CACNA1A: variants seen among roughly 807,000 people sequenced by gnomAD.
CACNA1A encodes calcium voltage-gated channel subunit alpha1 A.
In CACNA1A, 57 loss-of-function variants were observed where a neutral mutation model predicts 262.4. The ratio of observed to expected loss-of-function variants is 0.22; its 90% CI spans 0.18 to 0.27. CACNA1A has a LOEUF of 0.27. Among genes scored for constraint, CACNA1A ranks in the 10% least tolerant of loss-of-function variants. The probability of loss-of-function intolerance (pLI) is 1.00; values close to 1 mark genes in which losing one functional copy is unlikely to be tolerated. For missense variants in CACNA1A, 2,526 were observed against 3,562.8 expected, an observed-to-expected ratio of 0.71 and a Z score of 7.41; for synonymous variants, 1,431 against 1,419.3, an observed-to-expected ratio of 1.01 and a Z score of -0.18.
intron 2 of CACNA1A, 50 bp downstream of exon 2, chr19:13,455,057 A>C (rs200238304): frequency 1.5e-5 from 17 of 1,148,320 alleles, no homozygotes; most frequent in Non-Finnish European, 1.4e-5. Flanking sequence ...CCCAAAAATT[A>C]ATGTCCTGCT....
chr19:13,349,007 CAAA>C (rs60884577), intron 6 of CACNA1A, among the ~76,000 whole-genome samples: 1 of 59,678 alleles, frequency 1.7e-5, no homozygotes, highest in Non-Finnish European at 3.1e-5. Flanking sequence ...GACGCTGTCT[CAAA>C]AAAAAAAAAA....
intron 36 of CACNA1A, chr19:13,228,974 G>T (rs535855467): frequency 5.3e-4 from 203 of 383,436 alleles, no homozygotes; most frequent in African/African-American, 3.8e-3. Context: ...AGGGGTGTAG[G>T]ATGTCAGTCG....
intron 3 of CACNA1A, among the ~76,000 whole-genome samples, chr19:13,405,307 C>T (rs770086785): frequency 6.6e-6 from 1 of 152,156 alleles, no homozygotes; most frequent in Non-Finnish European, 1.5e-5. Context: ...ATCCTCCCAC[C>T]TCAGCCTCCC....
chr19:13,436,091 T>G (rs1219379312), intron 3 of CACNA1A, among the ~76,000 whole-genome samples: 1 of 152,150 alleles, frequency 6.6e-6, no homozygotes, highest in Admixed American at 6.5e-5. Context: ...TCCTAAAGTG[T>G]TGGGATTACA....
At chr19:13,333,338 AT>A (rs1260628546) in intron 8 of CACNA1A, among the ~76,000 whole-genome samples, 1 of 151,952 alleles carries the variant, frequency 6.6e-6, no homozygotes, top group African/African-American at 2.4e-5. Flanking sequence ...TTCCCTTGAC[AT>A]CCCCACAGCT....
chr19:13,396,487 A>G (rs2144675000), intron 3 of CACNA1A, among the ~76,000 whole-genome samples: 1 of 152,332 alleles, frequency 6.6e-6, no homozygotes, highest in Non-Finnish European at 1.5e-5. Context: ...GGGATGATGG[A>G]AATGTTCTAT....
At position 13,495,453 on chromosome 19, in the gene CACNA1A, C is replaced by T. The variant is rs555364076; in HGVS notation, c.293+10479G>A. On this transcript the variant is annotated intron_variant, in intron 1 of 46. Coordinates refer to ENST00000360228, the MANE Select transcript of CACNA1A (RefSeq NM_001127222.2). ...CTGGGACTACAGGTGCCCGCCACCA[C>T]GCCTGGCTAATTTTTTGTATTTTTA... Among the ~76,000 whole-genome samples, 397 of 152,180 alleles carry T rather than the reference C, an allele frequency of 2.6e-3. 4 individuals are homozygous for T. The highest frequency in any genetic ancestry group is 0.01 in the Middle Eastern group (3 of 294).
chr19:13,307,232 T>G (rs1246798568), intron 15 of CACNA1A: 1 of 152,304 alleles, frequency 6.6e-6, no homozygotes, highest in African/African-American at 2.4e-5. Context: ...CAAAGTGGTT[T>G]TTTTTTTCTT....
intron 1 of CACNA1A, among the ~76,000 whole-genome samples, chr19:13,486,838 C>G (rs55841086): frequency 1.3e-5 from 2 of 151,936 alleles, no homozygotes; most frequent in Non-Finnish European, 2.9e-5. Context: ...TTCTCACCTT[C>G]CACTTTTCTT....
rs760499272 is a variant in CACNA1A at position 13,234,982 on chromosome 19, A to G, written c.5188T>C (p.Phe1730Leu). The G allele has an allele frequency of 1.1e-5, 18 of 1,613,710 alleles. No individual in the cohort carries two copies. The South Asian group carries it at 2.0e-4, about 18-fold the overall frequency. ...VEDEDSDEDE[F>L]QITEHNNFRT... ...AAGTTATTGTGCTCAGTGATTTGGA[A>G]CTCATCTTCATCACTGTCCTCGTCC... Residue 1730 changes from phenylalanine to leucine, a missense_variant, in exon 34 of 47, where the codon TTC becomes CTC. Transcript: ENST00000360228.
At chr19:13,434,943 C>T (rs2060583880) in intron 3 of CACNA1A, among the ~76,000 whole-genome samples, 1 of 151,842 alleles carries the variant, frequency 6.6e-6, no homozygotes, top group African/African-American at 2.4e-5. Flanking sequence ...GCGCGTGCCA[C>T]CACACCTGGC....
intron 3 of CACNA1A, among the ~76,000 whole-genome samples, chr19:13,380,696 A>G (rs910859223): frequency 1.3e-5 from 2 of 151,090 alleles, no homozygotes; most frequent in Non-Finnish European, 2.9e-5. Context: ...TAGCCACATT[A>G]AAAAAGTAAA....
intron 1 of CACNA1A, among the ~76,000 whole-genome samples, chr19:13,497,174 T>TA (rs1467465081): frequency 3.3e-5 from 5 of 151,858 alleles, no homozygotes; most frequent in Admixed American, 1.3e-4. Flanking sequence ...CCCAGCCTCT[T>TA]AGAGAAAATG....
At chr19:13,356,846 T>C (rs1042377946) in intron 6 of CACNA1A, among the ~76,000 whole-genome samples, 1 of 152,136 alleles carries the variant, frequency 6.6e-6, no homozygotes, top group Non-Finnish European at 1.5e-5. Context: ...TTTGGCCAAT[T>C]GGGCTGACCC....
intron 22 of CACNA1A, among the ~76,000 whole-genome samples, chr19:13,279,343 T>C (rs2057228924): frequency 6.6e-6 from 1 of 152,100 alleles, no homozygotes; most frequent in African/African-American, 2.4e-5. Flanking sequence ...TACAGGGAAA[T>C]GCCAAGCACA....
chr19:13,231,689 T>C (rs749437975), intron 35 of CACNA1A, 21 bp downstream of exon 35: 1 of 1,603,216 alleles, frequency 6.2e-7, no homozygotes, highest in South Asian at 1.1e-5. Flanking sequence ...CAGACGGCCC[T>C]CACAGTGTCC....
chr19:13,334,151 T>C (rs913373232), intron 8 of CACNA1A: 2 of 512,280 alleles, frequency 3.9e-6, no homozygotes, highest in African/African-American at 3.8e-5. Flanking sequence ...TAAACCAGCG[T>C]CTGATTTCAG....
Position 13,455,090 on chromosome 19 carries a change from G to GAA in CACNA1A, c.399+15_399+16dup. 2 of 1,515,768 alleles carry GAA rather than the reference G, an allele frequency of 1.3e-6. No homozygotes were observed. The highest frequency in any genetic ancestry group is 1.8e-6 in the Non-Finnish European group (2 of 1,091,456). 93.9% of individuals were successfully genotyped at this position (1,515,768 alleles called of 1,614,324 possible). A position where few individuals can be genotyped will look rare whatever the true frequency, so the allele number is the denominator to read the frequency against. ...GCTAAAGCCAAGGAGAAGACCCTGA[G>GAA]AAAAGACATCACTCACCAGCCGTTC... On this transcript the variant is annotated intron_variant, in intron 2 of 46. Coordinates refer to ENST00000360228, the MANE Select transcript of CACNA1A (RefSeq NM_001127222.2).
intron 3 of CACNA1A, among the ~76,000 whole-genome samples, chr19:13,435,381 C>A (rs1163601893): frequency 5.3e-5 from 8 of 151,698 alleles, no homozygotes; most frequent in Admixed American, 3.3e-4. Context: ...GCTGGGATTA[C>A]AAGCATAAGC....
Sources: gnomAD v4.1 joint callset for allele counts (sites outside exome capture counted in the v4.1 genomes callset) on GRCh38, gnomAD v4.1.1 for gene constraint, MANE v1.5 for transcripts, NCBI Gene and HGNC (gene_info 2026-07-23, HGNC 2026-07-21) for gene names.